PIP4K2C: variants seen among roughly 807,000 people sequenced by gnomAD.
PIP4K2C encodes phosphatidylinositol 5-phosphate 4-kinase type-2 gamma.
PIP4K2C carries 21 observed loss-of-function variants against 45.0 expected under a neutral mutation model. The ratio of observed to expected loss-of-function variants is 0.47; its 90% CI spans 0.33 to 0.67. PIP4K2C has a LOEUF of 0.67. PIP4K2C is among the 30% of genes least tolerant of loss of function. The pLI, the probability that PIP4K2C is intolerant of heterozygous loss-of-function variation, is 0.02. For synonymous variants in PIP4K2C, 201 were observed against 204.8 expected, an observed-to-expected ratio of 0.98 and a Z score of 0.16; for missense variants, 456 against 542.8, an observed-to-expected ratio of 0.84 and a Z score of 1.59.
Position 57,602,591 on chromosome 12 carries a change from C to T in PIP4K2C, c.*985C>T, listed in dbSNP as rs924531167. 2 of 152,232 alleles carry T rather than the reference C, an allele frequency of 1.3e-5. No individual in the cohort carries two copies. Among genetic ancestry groups the T allele is most frequent in the African/African-American group, 4.8e-5 (2 of 41,442 alleles). 9.4% of individuals were successfully genotyped at this position (152,232 alleles called of 1,614,324 possible). A position where few individuals can be genotyped will look rare whatever the true frequency, so the allele number is the denominator to read the frequency against. ...CTACTTGGATCAATTCTGGTCATTT[C>T]AAGAGGATGGAGGCCTCAAGTGTGG... On this transcript the variant is annotated 3_prime_UTR_variant, in exon 10 of 10. Coordinates refer to ENST00000354947, the MANE Select transcript of PIP4K2C (RefSeq NM_024779.5).
chr12:57,601,484 G>A (rs773188421), intron 9 of PIP4K2C, 42 bp from the exon 10 acceptor site: 34 of 1,574,622 alleles, frequency 2.2e-5, no homozygotes, highest in Non-Finnish European at 2.8e-5. Context: ...GGGGACGGGT[G>A]CTAGGGTGGC....
Position 57,600,854 on chromosome 12 carries a change from G to T in PIP4K2C, c.857G>T (p.Gly286Val). The change falls in exon 8 of 10, where the codon GGC (glycine) becomes GTC (valine). Residue 286 changes from glycine (G) to valine (V), a missense_variant. Gly to Val is a moderately radical substitution (Grantham distance 109). This residue lies in a region of PIP4K2C where 421 missense variants were observed against 473.1 expected (regional missense o/e 0.89). Transcript: ENST00000354947. ...ATCATGGACTACAGCCTTCTGCTAG[G>T]CATCCACGACATCATTCGGGGCTCT... ...LKIMDYSLLL[G>V]IHDIIRGSEP... The T allele has an allele frequency of 6.2e-7, 1 of 1,614,186 alleles. No individual in the cohort carries two copies. The highest frequency in any genetic ancestry group is 1.1e-5 in the South Asian group (1 of 91,082).
In PIP4K2C at chr12:57,601,722, G is replaced by A. The variant is rs1883450405; in HGVS notation, c.*116G>A. ...CTTCCTTTGCTAAATTCAGGCTGCA[G>A]GCTCCTTCCATCCAGATAACTCCAT... On this transcript the variant is annotated 3_prime_UTR_variant, in exon 10 of 10. Coordinates refer to ENST00000354947, the MANE Select transcript of PIP4K2C (RefSeq NM_024779.5). 1.5e-5 allele frequency: 13 copies of A among 890,724 alleles called. No individual in the cohort carries two copies. The South Asian group carries it at 1.8e-4, about 12-fold the overall frequency. The allele number at this position is 890,724 out of a possible 1,614,324, so 55.2% of individuals were successfully genotyped here.
In PIP4K2C at chr12:57,594,140, C is replaced by T. The variant is rs1481749877; in HGVS notation, c.272+18C>T. Reference sequence around the variant, plus strand: ...TTCCACAGGTAAGTGATGATCCTTGCCATTCTCATGTCAACCTTCCCAGAA... The same window carrying T: ...TTCCACAGGTAAGTGATGATCCTTGTCATTCTCATGTCAACCTTCCCAGAA... On this transcript the variant is annotated intron_variant, in intron 2 of 9. Coordinates refer to ENST00000354947, the MANE Select transcript of PIP4K2C (RefSeq NM_024779.5). 6.3e-7 allele frequency: 1 copy of T among 1,586,014 alleles called. No homozygotes were observed. Among genetic ancestry groups the T allele is most frequent in the Non-Finnish European group, 8.6e-7 (1 of 1,160,642 alleles).
chr12:57,594,945 G>A (rs1316920232), intron 2 of PIP4K2C, among the ~76,000 whole-genome samples, 181 bp from the exon 3 acceptor site: 5 of 151,694 alleles, frequency 3.3e-5, no homozygotes, highest in Non-Finnish European at 7.4e-5. Flanking sequence ...AGTCCAACCT[G>A]GCAACAGAGT....
chr12:57,596,416 C>G (rs907475991), intron 4 of PIP4K2C, among the ~76,000 whole-genome samples: 1 of 149,194 alleles, frequency 6.7e-6, no homozygotes, highest in Non-Finnish European at 1.5e-5. Flanking sequence ...ACCCGGGAAG[C>G]GGAGGTTGTA....
chr12:57,593,444 T>C (rs945906977), intron 1 of PIP4K2C, among the ~76,000 whole-genome samples: 7 of 71,676 alleles, frequency 9.8e-5, no homozygotes, highest in Admixed American at 2.0e-4. Flanking sequence ...AATCAGCTGC[T>C]CTTCCTTTAC....
Position 57,603,384 on chromosome 12 carries a change from TATA to T in PIP4K2C, c.*1785_*1787del, listed in dbSNP as rs1310104590. On this transcript the variant is annotated 3_prime_UTR_variant, in exon 10 of 10. Transcript: ENST00000354947. Reference sequence around the variant, plus strand: ...AAATTTATGTATTTGCTCCTGTTACTATAATAATACAGGGAATAAATTATTCAA... The same window carrying T: ...AAATTTATGTATTTGCTCCTGTTACTATAATACAGGGAATAAATTATTCAA... 2.0e-5 allele frequency: 3 copies of T among 152,288 alleles called. No homozygotes were observed. Among genetic ancestry groups the T allele is most frequent in the Admixed American group, 6.5e-5 (1 of 15,284 alleles). The allele number at this position is 152,288 out of a possible 1,614,324, so 9.4% of individuals were successfully genotyped here.
chr12:57,598,527 A>C (rs1214903719), intron 4 of PIP4K2C, among the ~76,000 whole-genome samples: 1 of 124,856 alleles, frequency 8.0e-6, no homozygotes, highest in African/African-American at 3.2e-5. Context: ...CCATCTCCAA[A>C]AAAAAAAAAA....
chr12:57,595,547 A>G (rs745391569), intron 3 of PIP4K2C, among the ~76,000 whole-genome samples: 8 of 151,936 alleles, frequency 5.3e-5, no homozygotes, highest in South Asian at 4.2e-4. Context: ...TCTACTAAAG[A>G]TATGAAAATT....
intron 5 of PIP4K2C, 26 bp downstream of exon 5, chr12:57,599,237 GA>G: frequency 6.2e-7 from 1 of 1,612,946 alleles, no homozygotes. Flanking sequence ...CTCGGACTTA[GA>G]GGGAGGCTCC....
At chr12:57,594,189 G>C (rs541126411) in intron 2 of PIP4K2C, 67 bp downstream of exon 2, 1 of 1,259,894 alleles carries the variant, frequency 7.9e-7, no homozygotes, top group Admixed American at 2.6e-5. Flanking sequence ...AATTTTAAAA[G>C]TTTCAGTGAG....
chr12:57,601,221 C>T (rs1313020738), intron 8 of PIP4K2C, 24 bp from the exon 9 acceptor site: 1 of 1,603,556 alleles, frequency 6.2e-7, no homozygotes, highest in Non-Finnish European at 8.5e-7. Flanking sequence ...TAAACCTACT[C>T]TGAATTGTTG....
At chr12:57,597,869 T>C (rs952396748) in intron 4 of PIP4K2C, 4 of 152,172 alleles carry the variant, frequency 2.6e-5, no homozygotes, top group Non-Finnish European at 5.9e-5. Context: ...AGCTGAAATA[T>C]GACAATGACT....
In PIP4K2C at chr12:57,595,969, A is replaced by G. The variant is rs778464274; in HGVS notation, c.451A>G (p.Ile151Val). ...FLISYDRTLVIKEVSSEDIAD... is the reference protein window; with the variant it reads ...FLISYDRTLVVKEVSSEDIAD... Reference sequence around the variant, plus strand: ...TATCTCCTACGATCGGACTCTGGTCATCAAAGAAGTATCCAGTGAGGACAT... The same window carrying G: ...TATCTCCTACGATCGGACTCTGGTCGTCAAAGAAGTATCCAGTGAGGACAT... Residue 151 changes from isoleucine to valine, a missense_variant, in exon 4 of 10, where the codon ATC (isoleucine) becomes GTC (valine). Transcript: ENST00000354947. 7.4e-6 allele frequency: 12 copies of G among 1,614,016 alleles called. No homozygotes were observed. Among genetic ancestry groups the G allele is most frequent in the Non-Finnish European group, 9.3e-6 (11 of 1,179,860 alleles).
chr12:57,600,213 TG>T (rs1343047166), intron 6 of PIP4K2C, 110 bp from the exon 7 acceptor site: 1 of 610,520 alleles, frequency 1.6e-6, no homozygotes, highest in Non-Finnish European at 2.9e-6. Context: ...CATCACAGTG[TG>T]GAGTTAGATG....
In PIP4K2C at chr12:57,601,514, C is replaced by G. The variant is rs749278567; in HGVS notation, c.1186-12C>G. 1 of 1,609,270 alleles carries G rather than the reference C, an allele frequency of 6.2e-7. No homozygotes were observed. Among genetic ancestry groups the G allele is most frequent in the Non-Finnish European group, 8.5e-7 (1 of 1,175,674 alleles). On this transcript the variant is annotated splice_polypyrimidine_tract_variant and intron_variant, in intron 9 of 9. Coordinates refer to ENST00000354947, the MANE Select transcript of PIP4K2C (RefSeq NM_024779.5). The stretch of plus-strand genomic sequence containing the variant: ...GGTGGCCTGACATATTGTTCCGTAT[C>G]TCCTCTCACAGGCTGGGGCAGAGAT...
At position 57,601,339 on chromosome 12, in the gene PIP4K2C, C is replaced by A. The variant is rs756416802; in HGVS notation, c.1176C>A (p.Val392=). The A allele has an allele frequency of 1.9e-6, 3 of 1,612,618 alleles. No homozygotes were observed. Among genetic ancestry groups the A allele is most frequent in the Non-Finnish European group, 2.5e-6 (3 of 1,178,746 alleles). Residue 392 remains valine (V), a synonymous_variant, in exon 9 of 10, where the codon GTC becomes GTA. Coordinates refer to ENST00000354947, the MANE Select transcript of PIP4K2C (RefSeq NM_024779.5). ...AAGCAGCTCATGCAGCCAAAACTGT[C>A]AAGCATGGGGTGAGAGTTCGCAAAA... is the stretch of plus-strand genomic sequence containing the variant. ...KKKAAHAAKT[V]KHGAGAEIST...
At position 57,599,168 on chromosome 12, in the gene PIP4K2C, T is replaced by G. The variant is rs760998448; in HGVS notation, c.617T>G (p.Met206Arg). 2 of 1,614,202 alleles carry G rather than the reference T, an allele frequency of 1.2e-6. No individual in the cohort carries two copies. Among genetic ancestry groups the G allele is most frequent in the Non-Finnish European group, 1.7e-6 (2 of 1,180,036 alleles). The change falls in exon 5 of 10, where the codon ATG becomes AGG. Residue 206 changes from methionine (M) to arginine (R), a missense_variant. This residue lies in a region of PIP4K2C where 421 missense variants were observed against 473.1 expected (regional missense o/e 0.89). Transcript: ENST00000354947. Reference sequence around the variant, plus strand: ...AGCTACATGCTTGTGATGCGCAATATGTTTAGCCACCGTCTTCCTGTGCAC... The same window carrying G: ...AGCTACATGCTTGTGATGCGCAATAGGTTTAGCCACCGTCTTCCTGTGCAC... ...EDSYMLVMRN[M>R]FSHRLPVHRK...
Sources: gnomAD v4.1 joint callset for allele counts (sites outside exome capture counted in the v4.1 genomes callset) on GRCh38, gnomAD v4.1.1 for gene constraint, gnomAD v4.1.1 regional missense constraint, MANE v1.5 for transcripts, NCBI Gene and HGNC (gene_info 2026-07-23, HGNC 2026-07-21) for gene names.